Variants in BRD7 observed in about 807,000 individuals in gnomAD.
The protein encoded by BRD7 is bromodomain containing 7.
BRD7 carries 15 observed loss-of-function variants against 82.1 expected under a neutral mutation model. The ratio of observed to expected loss-of-function variants is 0.18; its 90% CI spans 0.12 to 0.28. BRD7 has a LOEUF of 0.28. Among genes scored for constraint, BRD7 ranks in the 10% least tolerant of loss-of-function variants. BRD7 has a pLI of 1.00. For missense variants in BRD7, 638 were observed against 779.9 expected, an observed-to-expected ratio of 0.82 and a Z score of 2.17; for synonymous variants, 232 against 266.9, an observed-to-expected ratio of 0.87 and a Z score of 1.27.
rs759303851 is a variant in BRD7, at chr16:50,348,498, TCA to T, written c.591+1523_591+1524del. ...CAACCTACAGAATGGGAGAAAATTT[TCA>T]CAGTCTATCCATCTGACAAAGGGCT... On this transcript the variant is annotated intron_variant, in intron 5 of 16. Transcript: ENST00000394688. 6.6e-5 allele frequency among the ~76,000 whole-genome samples: 10 copies of T among 152,258 alleles called. No homozygotes were observed. The South Asian group carries it at 8.3e-4, about 13-fold the overall frequency.
At chr16:50,339,074 AAT>A (rs1244264157) in intron 6 of BRD7, among the ~76,000 whole-genome samples, 1 of 152,224 alleles carries the variant, frequency 6.6e-6, no homozygotes, top group Non-Finnish European at 1.5e-5. Context: ...CACTGTGTAT[AAT>A]ATCTCATGTT....
At chr16:50,342,792 T>C (rs192571199) in intron 5 of BRD7, among the ~76,000 whole-genome samples, 1 of 152,278 alleles carries the variant, frequency 6.6e-6, no homozygotes, top group Non-Finnish European at 1.5e-5. Context: ...CTAACCCTTA[T>C]AGGTCAGGTG....
chr16:50,357,917 T>C (rs1053981088), intron 2 of BRD7, among the ~76,000 whole-genome samples: 2 of 151,710 alleles, frequency 1.3e-5, no homozygotes, highest in Admixed American at 6.6e-5. Context: ...TAGGTAGAGG[T>C]TGCAGTGAGC....
At chr16:50,368,375 A>C in intron 1 of BRD7, 77 bp from the exon 2 acceptor site, 1 of 1,470,248 alleles carries the variant, frequency 6.8e-7, no homozygotes, top group East Asian at 2.3e-5. Flanking sequence ...AAGGATGCAG[A>C]GCGCCAAGGC....
chr16:50,365,903 A>G (rs1439796171), intron 2 of BRD7, among the ~76,000 whole-genome samples: 1 of 152,204 alleles, frequency 6.6e-6, no homozygotes, highest in African/African-American at 2.4e-5. Flanking sequence ...AAATGAACAC[A>G]GGAATACTTC....
At chr16:50,366,877 T>C (rs918125237) in intron 2 of BRD7, among the ~76,000 whole-genome samples, 3 of 152,168 alleles carry the variant, frequency 2.0e-5, no homozygotes, top group African/African-American at 4.8e-5. Flanking sequence ...GAGGAAAACT[T>C]TTTCCATTTT....
chr16:50,340,817 T>C (rs2038015541), intron 5 of BRD7, among the ~76,000 whole-genome samples: 1 of 152,220 alleles, frequency 6.6e-6, no homozygotes, highest in Non-Finnish European at 1.5e-5. Context: ...CCCCACTGCA[T>C]GCTTTCATAG....
In BRD7 at chr16:50,319,877, G is replaced by A; in HGVS notation, c.1900+10C>T. The A allele has an allele frequency of 6.2e-7, 1 of 1,610,282 alleles. No individual in the cohort carries two copies. On this transcript the variant is annotated intron_variant, in intron 16 of 16. Coordinates refer to ENST00000394688, the MANE Select transcript of BRD7 (RefSeq NM_013263.5). ...GCTTTCTGCTTTCCCAGAGAAAACA[G>A]GGCACGTACCTTCTGTCAAATCCAC...
chr16:50,323,615 T>A lies in BRD7; in HGVS notation c.1415A>T (p.His472Leu), dbSNP rs781074810. 43 of 1,613,614 alleles carry A rather than the reference T, an allele frequency of 2.7e-5. No individual in the cohort carries two copies. The highest frequency in any genetic ancestry group is 5.0e-5 in the Admixed American group (3 of 60,000). ...SLLDVLTKGG[H>L]SRTLQEMEMS... The stretch of plus-strand genomic sequence containing the variant: ...CTCCATCTCTTGTAGGGTCCTGGAA[T>A]GCCCTCCTTTTGTTAAAACATCCAG... Residue 472 changes from histidine (H) to leucine (L), a missense_variant, in exon 12 of 17, where the codon CAT becomes CTT. Physicochemically the swap from His to Leu is moderately conservative, Grantham distance 99 (BLOSUM62 -3). Coordinates refer to ENST00000394688, the MANE Select transcript of BRD7 (RefSeq NM_013263.5).
At chr16:50,336,545 G>C (rs567618191) in intron 6 of BRD7, among the ~76,000 whole-genome samples, 23 of 152,172 alleles carry the variant, frequency 1.5e-4, no homozygotes, top group Non-Finnish European at 1.3e-4. Context: ...CTGGGTGACA[G>C]AGTGAGACTC....
intron 5 of BRD7, chr16:50,349,454 C>T: frequency 2.4e-6 from 1 of 424,366 alleles, no homozygotes; most frequent in East Asian, 7.6e-5. Flanking sequence ...TGTAGCACTT[C>T]CCCCTTCACT....
intron 4 of BRD7, among the ~76,000 whole-genome samples, chr16:50,350,505 T>A (rs527960617): frequency 2.0e-5 from 3 of 152,340 alleles, no homozygotes; most frequent in African/African-American, 4.8e-5. Context: ...TAGCACTGCA[T>A]ATTTTTAACC....
In BRD7 at chr16:50,368,216, G is replaced by C. The variant is rs2039223008; in HGVS notation, c.132C>G (p.His44Gln). 2 of 1,614,182 alleles carry C rather than the reference G, an allele frequency of 1.2e-6. No individual in the cohort carries two copies. Among genetic ancestry groups the C allele is most frequent in the African/African-American group, 1.3e-5 (1 of 75,040 alleles). Residue 44 changes from histidine (H) to glutamine (Q), a missense_variant, in exon 2 of 17, where the codon CAC becomes CAG. By Grantham distance (24) the His-to-Gln change is conservative. Transcript: ENST00000394688. ...TTTTGTCTTCGAAGAGGCTGGAGTC[G>C]TGCCCCGAGCTGCCCGTGGAGAGTT... ...VTELSTGSSG[H>Q]DSSLFEDKND... is the part of the protein sequence containing the mutation.
Position 50,368,756 on chromosome 16 carries a change from T to G in BRD7, c.19A>C (p.Lys7Gln). 1 of 1,550,450 alleles carries G rather than the reference T, an allele frequency of 6.4e-7. No individual in the cohort carries two copies. Among genetic ancestry groups the G allele is most frequent in the South Asian group, 1.2e-5 (1 of 86,480 alleles). The change falls in exon 1 of 17, where the codon AAG (lysine) becomes CAG (glutamine). Residue 7 changes from lysine (K) to glutamine (Q), a missense_variant. This residue lies in a region of BRD7 where 172 missense variants were observed against 155.3 expected (regional missense o/e 1.11). Coordinates refer to ENST00000394688, the MANE Select transcript of BRD7 (RefSeq NM_013263.5). ...TAGAGGTGTTTGTCCGACTTGTGCT[T>G]CTTGTGCTTCTTGCCCATGTCCGAC... The part of the protein sequence containing the change: MGKKHK[K>Q]HKSDKHLYEE...
Position 50,325,759 on chromosome 16 carries a change from T to G in BRD7, c.1320A>C (p.Pro440=), listed in dbSNP as rs1299288738. 8.3e-5 allele frequency: 133 copies of G among 1,593,264 alleles called. No individual in the cohort carries two copies. The highest frequency in any genetic ancestry group is 1.1e-4 in the Non-Finnish European group (133 of 1,174,916). The part of the protein sequence containing the change: ...YSTYGEDSDL[P]SDFSIHEFLA... ...AACTGGAAACTCACCTGAAATCACT[T>G]GGAAGATCAGAGTCTTCCCCATAGG... is the stretch of plus-strand genomic sequence containing the variant. Residue 440 remains proline (P), a synonymous_variant, in exon 11 of 17, where the codon CCA becomes CCC. Transcript: ENST00000394688.
In BRD7 at chr16:50,319,048, G is replaced by T; in HGVS notation, c.*163C>A. 1.5e-6 allele frequency: 1 copy of T among 648,528 alleles called. No homozygotes were observed. The highest frequency in any genetic ancestry group is 2.6e-6 in the Non-Finnish European group (1 of 379,778). The allele number at this position is 648,528 out of a possible 1,614,324, so 40.2% of individuals were successfully genotyped here. ...TCCTTCCTCACGAGTCCCAGGTCCA[G>T]CTTTATTACCTAATACAAGTCCAAC... On this transcript the variant is annotated 3_prime_UTR_variant, in exon 17 of 17. Coordinates refer to ENST00000394688, the MANE Select transcript of BRD7 (RefSeq NM_013263.5).
rs571073180 is a variant in BRD7 at position 50,323,579 on chromosome 16, G to A, written c.1443+8C>T. ...AAATTACCCTGTTTTCATTAGCAGT[G>A]TTCTTACCATCTCCATCTCTTGTAG... On this transcript the variant is annotated splice_region_variant and intron_variant, in intron 12 of 16. Transcript: ENST00000394688. 1.9e-6 allele frequency: 3 copies of A among 1,570,402 alleles called. No individual in the cohort carries two copies. The highest frequency in any genetic ancestry group is 2.6e-6 in the Non-Finnish European group (3 of 1,140,626).
intron 4 of BRD7, among the ~76,000 whole-genome samples, chr16:50,352,116 G>A (rs549391495): frequency 1.3e-5 from 2 of 152,192 alleles, no homozygotes; most frequent in African/African-American, 4.8e-5. Context: ...CTACTTCTAT[G>A]AATCAACTTT....
At chr16:50,323,547 C>A (rs774813170) in intron 12 of BRD7, 40 bp downstream of exon 12, 25 of 1,393,386 alleles carry the variant, frequency 1.8e-5, no homozygotes, top group Middle Eastern at 4.7e-4. Flanking sequence ...GCTTGAGAGT[C>A]GATAATAAAT....
Sources: gnomAD v4.1 joint callset for allele counts (sites outside exome capture counted in the v4.1 genomes callset) on GRCh38, gnomAD v4.1.1 for gene constraint, gnomAD v4.1.1 regional missense constraint, MANE v1.5 for transcripts, NCBI Gene and HGNC (gene_info 2026-07-23, HGNC 2026-07-21) for gene names.